Variants in MTUS2 observed in about 807,000 individuals in gnomAD.
MTUS2 encodes the protein microtubule associated scaffold protein 2, also known as microtubule-associated tumor suppressor candidate 2.
Under a neutral mutation model 114.1 loss-of-function variants are expected in MTUS2, and 40 were observed. The observed-to-expected ratio is 0.35, with a 90% CI of 0.27 to 0.46. The LOEUF is 0.46. Ranked by LOEUF, MTUS2 falls within the 20% of genes least tolerant of loss-of-function variation. The pLI is 1.00. For synonymous variants in MTUS2, 688 were observed against 672.0 expected, an observed-to-expected ratio of 1.02 and a Z score of -0.37; for missense variants, 1,679 against 1,705.4, an observed-to-expected ratio of 0.98 and a Z score of 0.27.
chr13:29,045,127 T>C (rs571850273), intron 4 of MTUS2, among the ~76,000 whole-genome samples: 4 of 152,360 alleles, frequency 2.6e-5, no homozygotes, highest in African/African-American at 9.6e-5. Flanking sequence ...CAAGATAATC[T>C]TCCTCTTAAT....
intron 13 of MTUS2, chr13:29,497,635 G>A: frequency 2.5e-6 from 1 of 405,912 alleles, no homozygotes; most frequent in Non-Finnish European, 4.6e-6. Flanking sequence ...CCCTCCGCTG[G>A]CCTGACCACC....
chr13:28,933,614 C>T (rs747719895), intron 2 of MTUS2, among the ~76,000 whole-genome samples: 7 of 152,142 alleles, frequency 4.6e-5, no homozygotes, highest in Non-Finnish European at 7.4e-5. Context: ...TATGATTGGG[C>T]GGGCCCACAG....
At chr13:29,297,410 C>T (rs909802524) in intron 6 of MTUS2, among the ~76,000 whole-genome samples, 9 of 152,176 alleles carry the variant, frequency 5.9e-5, no homozygotes, top group African/African-American at 2.2e-4. Context: ...TATTCAACTT[C>T]TGATGCTCAA....
At chr13:29,458,788 TGTTA>T in intron 9 of MTUS2, among the ~76,000 whole-genome samples, 1 of 152,252 alleles carries the variant, frequency 6.6e-6, no homozygotes, top group Non-Finnish European at 1.5e-5. Flanking sequence ...TATATGCCTA[TGTTA>T]GTTCAAGTGC....
chr13:29,220,293 A>C (rs1353072154), intron 5 of MTUS2, among the ~76,000 whole-genome samples: 2 of 152,112 alleles, frequency 1.3e-5, no homozygotes, highest in African/African-American at 4.8e-5. Flanking sequence ...GAGCCACTGC[A>C]CCTGGCCCTG....
chr13:29,014,829 C>T (rs1419010514), intron 2 of MTUS2, among the ~76,000 whole-genome samples: 1 of 152,204 alleles, frequency 6.6e-6, no homozygotes, highest in Non-Finnish European at 1.5e-5. Context: ...CAAGATGTTC[C>T]CCTCGCTGCC....
At chr13:29,330,991 A>T (rs1366600310) in intron 7 of MTUS2, among the ~76,000 whole-genome samples, 1 of 152,150 alleles carries the variant, frequency 6.6e-6, no homozygotes, top group Non-Finnish European at 1.5e-5. Context: ...TGGTAGCTTG[A>T]TGGGGATAGC....
chr13:29,147,402 ATG>A (rs1401326365), intron 5 of MTUS2, among the ~76,000 whole-genome samples: 4 of 152,188 alleles, frequency 2.6e-5, no homozygotes, highest in African/African-American at 9.6e-5. Flanking sequence ...AGGATTTTGT[ATG>A]TGCAATGCTA....
chr13:29,068,996 G>T (rs1175002361), intron 4 of MTUS2, among the ~76,000 whole-genome samples: 2 of 152,084 alleles, frequency 1.3e-5, no homozygotes, highest in Non-Finnish European at 2.9e-5. Flanking sequence ...GGAAGGATTG[G>T]ACATAAAGAG....
At chr13:28,897,898 T>C (rs1879381030) in intron 2 of MTUS2, among the ~76,000 whole-genome samples, 1 of 88,648 alleles carries the variant, frequency 1.1e-5, no homozygotes, top group Admixed American at 1.5e-4. Context: ...TGGGGCCTGT[T>C]GTGAGGTGGA....
intron 5 of MTUS2, among the ~76,000 whole-genome samples, chr13:29,241,854 A>G (rs1896746816): frequency 6.6e-6 from 1 of 152,082 alleles, no homozygotes; most frequent in African/African-American, 2.4e-5. Context: ...CACCTTAGAA[A>G]GCCTTGCCCA....
At chr13:29,066,211 C>T (rs1333240282) in intron 4 of MTUS2, among the ~76,000 whole-genome samples, 4 of 152,214 alleles carry the variant, frequency 2.6e-5, no homozygotes, top group African/African-American at 9.6e-5. Flanking sequence ...GACCTCTTCT[C>T]AGCCAGATGC....
At chr13:29,476,575 T>C (rs1343455889) in intron 9 of MTUS2, 1 of 149,088 alleles carries the variant, frequency 6.7e-6, no homozygotes, top group Non-Finnish European at 1.5e-5. Flanking sequence ...CCCATTTAAG[T>C]ATACAATGTG....
chr13:28,829,846 G>A (rs1874540017), intron 1 of MTUS2, among the ~76,000 whole-genome samples: 1 of 152,208 alleles, frequency 6.6e-6, no homozygotes. Context: ...AACCTTTGAT[G>A]TAGTCTTTGG....
intron 5 of MTUS2, among the ~76,000 whole-genome samples, chr13:29,114,581 C>T (rs1270323612): frequency 6.6e-6 from 1 of 152,042 alleles, no homozygotes; most frequent in Non-Finnish European, 1.5e-5. Flanking sequence ...TATATTAAAT[C>T]AAAGGAAAGA....
intron 8 of MTUS2, among the ~76,000 whole-genome samples, chr13:29,383,252 G>GTATATATATATATGTTTATTTATTTATT (rs1555271591): frequency 7.4e-6 from 1 of 135,916 alleles, no homozygotes; most frequent in Admixed American, 7.4e-5. Flanking sequence ...GTGTGTGTGT[G>GTATATATATATATGTTTATTTATTTATT]TATTTATTTT....
intron 5 of MTUS2, among the ~76,000 whole-genome samples, chr13:29,103,437 C>T (rs571798609): frequency 1.2e-4 from 19 of 152,244 alleles, no homozygotes; most frequent in African/African-American, 4.6e-4. Flanking sequence ...GTAACAATAT[C>T]TAAACATAGA....
intron 5 of MTUS2, among the ~76,000 whole-genome samples, chr13:29,209,630 G>A (rs757839229): frequency 6.6e-6 from 1 of 152,048 alleles, no homozygotes; most frequent in Non-Finnish European, 1.5e-5. Context: ...TGGCTTGGTA[G>A]TGACAAATTT....
At chr13:29,172,986 TC>T (rs1893622159) in intron 5 of MTUS2, among the ~76,000 whole-genome samples, 1 of 152,174 alleles carries the variant, frequency 6.6e-6, no homozygotes, top group Non-Finnish European at 1.5e-5. Context: ...CATTCATTCT[TC>T]CATCCAACAT....
Sources: gnomAD v4.1 joint callset for allele counts (sites outside exome capture counted in the v4.1 genomes callset) on GRCh38, gnomAD v4.1.1 for gene constraint, MANE v1.5 for transcripts, NCBI Gene and HGNC (gene_info 2026-07-23, HGNC 2026-07-21) for gene names.